Variants in KCNQ2 observed in about 807,000 individuals in gnomAD.
KCNQ2 encodes the protein potassium voltage-gated channel subfamily KQT member 2.
A neutral mutation model predicts 84.8 loss-of-function variants in KCNQ2; 14 were observed. That is an observed-to-expected ratio of 0.17 (90% CI 0.11 to 0.26). The LOEUF (loss-of-function observed/expected upper bound fraction) is 0.26, where lower values mean the gene tolerates loss of function less well. Ranked by LOEUF, KCNQ2 falls within the 10% of genes least tolerant of loss-of-function variation. The probability of loss-of-function intolerance (pLI) is 1.00; values close to 1 mark genes in which losing one functional copy is unlikely to be tolerated. For synonymous variants in KCNQ2, 599 were observed against 554.1 expected (o/e 1.08, Z -1.14); for missense variants, 788 against 1,254.0 (o/e 0.63, Z 5.61).
At chr20:63,424,468 G>C (rs998284674) in intron 10 of KCNQ2, 2 of 563,116 alleles carry the variant, frequency 3.6e-6, no homozygotes, top group Non-Finnish European at 6.3e-6. Context: ...TCTGACCTGG[G>C]GGTCTCTACC....
intron 4 of KCNQ2, among the ~76,000 whole-genome samples, chr20:63,442,933 CACCACCACCATCACCAT>C (rs2081252931): frequency 1.2e-5 from 1 of 82,894 alleles, no homozygotes; most frequent in Non-Finnish European, 2.7e-5. Context: ...CCATCACCAT[CACCACCACCATCACCAT>C]CATCACCATC....
intron 8 of KCNQ2, among the ~76,000 whole-genome samples, chr20:63,432,140 C>T (rs1481227629): frequency 6.7e-6 from 1 of 149,188 alleles, no homozygotes; most frequent in Non-Finnish European, 1.5e-5. Context: ...AAGGATCCAC[C>T]CACAGGGAAG....
At position 63,446,239 on chromosome 20, in the gene KCNQ2, C is replaced by A. The variant is rs1346142324; in HGVS notation, c.387+508G>T. On this transcript the variant is annotated intron_variant, in intron 2 of 16. Transcript: ENST00000359125. The surrounding 1 kb of genome is among the most constrained non-coding windows in gnomAD (Gnocchi z 5.5). ...CCCCAGAACAGAGGAGCAGGGCGGGCAGTAGAGGGAGGTGCATTTGGATGG... is the reference window on the plus strand; with the variant it reads ...CCCCAGAACAGAGGAGCAGGGCGGGAAGTAGAGGGAGGTGCATTTGGATGG... 2 of 252,642 alleles carry A rather than the reference C, an allele frequency of 7.9e-6. No individual in the cohort carries two copies. Among genetic ancestry groups the A allele is most frequent in the South Asian group, 9.0e-5 (2 of 22,282 alleles). 15.7% of individuals were successfully genotyped at this position (252,642 alleles called of 1,614,324 possible).
intron 1 of KCNQ2, among the ~76,000 whole-genome samples, chr20:63,464,055 A>G (rs998384598): frequency 3.3e-5 from 5 of 152,168 alleles, no homozygotes; most frequent in Non-Finnish European, 5.9e-5. Context: ...GCAACCCAAA[A>G]AAATGAAAGA....
chr20:63,410,959 T>C (rs1490217146), intron 15 of KCNQ2: 1 of 453,424 alleles, frequency 2.2e-6, no homozygotes, highest in African/African-American at 2.0e-5. Context: ...CACCGTCATC[T>C]GAATAGTCCC....
At chr20:63,464,769 A>T (rs1293718550) in intron 1 of KCNQ2, among the ~76,000 whole-genome samples, 1 of 152,198 alleles carries the variant, frequency 6.6e-6, no homozygotes, top group South Asian at 2.1e-4. Flanking sequence ...CAAGTGGCAC[A>T]TTGATCCGCA....
In KCNQ2 at chr20:63,452,388, G is replaced by A. The variant is rs1053509870; in HGVS notation, c.297-5551C>T. Among the ~76,000 whole-genome samples the A allele has an allele frequency of 5.9e-5, 9 of 152,266 alleles. 1 individual carries two copies. The highest frequency in any genetic ancestry group is 9.6e-5 in the African/African-American group (4 of 41,544). ...TCTTGAGGAAAATCCTTTTTCTTCC[G>A]GAAACCTCAGTCTTTGCTCTCAAGG... On this transcript the variant is annotated intron_variant, in intron 1 of 16. Coordinates refer to ENST00000359125, the MANE Select transcript of KCNQ2 (RefSeq NM_172107.4).
In KCNQ2 at chr20:63,446,975, C is replaced by G. The variant is rs1022988352; in HGVS notation, c.297-138G>C. On this transcript the variant is annotated intron_variant, in intron 1 of 16. Transcript: ENST00000359125. The surrounding 1 kb of genome is among the most constrained non-coding windows in gnomAD (Gnocchi z 5.5). ...GGCCGCGTCTCCAGAACGCAGGACC[C>G]CACTCCCCACCCACCCCACCAGAGC... The G allele has an allele frequency of 1.3e-6, 1 of 758,370 alleles. No individual in the cohort carries two copies. The highest frequency in any genetic ancestry group is 1.7e-5 in the African/African-American group (1 of 58,164). 47.0% of individuals were successfully genotyped at this position (758,370 alleles called of 1,614,324 possible). A position where few individuals can be genotyped will look rare whatever the true frequency, so the allele number is the denominator to read the frequency against.
Position 63,472,515 on chromosome 20 carries a change from G to C in KCNQ2, c.-52C>G. On this transcript the variant is annotated 5_prime_UTR_variant, in exon 1 of 17. Transcript: ENST00000359125. The stretch of plus-strand genomic sequence containing the variant: ...CGGGCTCAGGCTCAGCGGGGGCGGA[G>C]CGCGGGGGGCGGCGCGGGCCCCAGC... 1 of 1,350,720 alleles carries C rather than the reference G, an allele frequency of 7.4e-7. No homozygotes were observed. Among genetic ancestry groups the C allele is most frequent in the Non-Finnish European group, 9.5e-7 (1 of 1,054,978 alleles). 83.7% of individuals were successfully genotyped at this position (1,350,720 alleles called of 1,614,324 possible). A position where few individuals can be genotyped will look rare whatever the true frequency, so the allele number is the denominator to read the frequency against.
intron 12 of KCNQ2, 136 bp downstream of exon 12, chr20:63,419,483 G>T: frequency 1.2e-6 from 1 of 824,422 alleles, no homozygotes; most frequent in Non-Finnish European, 2.0e-6. Flanking sequence ...AGCTGAGCCC[G>T]CACCGCCAGG....
intron 8 of KCNQ2, among the ~76,000 whole-genome samples, chr20:63,432,198 TGGGAAGGATCCACCCACA>T (rs1264712379): frequency 3.5e-4 from 15 of 42,276 alleles, no homozygotes; most frequent in South Asian, 1.5e-3. Context: ...CTCCACCCTC[TGGGAAGGATCCACCCACA>T]GGGAAGGCTC....
At position 63,414,032 on chromosome 20, in the gene KCNQ2, C is replaced by G. The variant is rs1339522386; in HGVS notation, c.1631+56G>C. 9.8e-6 allele frequency: 13 copies of G among 1,328,124 alleles called. No individual in the cohort carries two copies. In the East Asian group the frequency reaches 3.0e-4, roughly 31 times the overall value. The allele number at this position is 1,328,124 out of a possible 1,614,324, so 82.3% of individuals were successfully genotyped here. A position where few individuals can be genotyped will look rare whatever the true frequency, so the allele number is the denominator to read the frequency against. ...TGAGCACCGGCAGCAGGCAGGACCA[C>G]CGAGCGGGAGGCCCCTCCTCACTCC... On this transcript the variant is annotated intron_variant, in intron 14 of 16. Coordinates refer to ENST00000359125, the MANE Select transcript of KCNQ2 (RefSeq NM_172107.4). The surrounding 1 kb of genome is among the most constrained non-coding windows in gnomAD (Gnocchi z 6.6).
rs1568914589 is a variant in KCNQ2 at position 63,432,801 on chromosome 20, CCCACCCTCAGGGAAGGCT to C, written c.1118+990_1118+1007del. On this transcript the variant is annotated intron_variant, in intron 8 of 16. Coordinates refer to ENST00000359125, the MANE Select transcript of KCNQ2 (RefSeq NM_172107.4). ...GGAAGGCCCCACCCTCAGGGAAGGC[CCCACCCTCAGGGAAGGCT>C]CCACCCTCTGGGAAGGCCCCACCCC... Among the ~76,000 whole-genome samples the C allele has an allele frequency of 8.2e-5, 7 of 85,576 alleles. 1 individual carries two copies. The highest frequency in any genetic ancestry group is 5.1e-4 in the Admixed American group (4 of 7,902). The allele number at this position is 85,576 out of a possible 152,430, so 56.1% of individuals were successfully genotyped here.
rs865789435 is a variant in KCNQ2, at chr20:63,400,713, C to T, written c.*5931G>A. Reference sequence around the variant, plus strand: ...GCAATGGCGTGGGGCGCGGGCATGGCGGGCACACGTGGGCCGTGTGGATCC... The same window carrying T: ...GCAATGGCGTGGGGCGCGGGCATGGTGGGCACACGTGGGCCGTGTGGATCC... On this transcript the variant is annotated 3_prime_UTR_variant, in exon 17 of 17. Coordinates refer to ENST00000359125, the MANE Select transcript of KCNQ2 (RefSeq NM_172107.4). The surrounding 1 kb of genome is among the most constrained non-coding windows in gnomAD (Gnocchi z 8.7). The T allele has an allele frequency of 1.0e-5, 4 of 398,416 alleles. No individual in the cohort carries two copies. Among genetic ancestry groups the T allele is most frequent in the African/African-American group, 2.1e-5 (1 of 48,630 alleles). 24.7% of individuals were successfully genotyped at this position (398,416 alleles called of 1,614,324 possible).
In KCNQ2 at chr20:63,407,152, G is replaced by A. The variant is rs1215394494; in HGVS notation, c.2111C>T (p.Pro704Leu). The A allele has an allele frequency of 1.3e-6, 2 of 1,585,658 alleles. No individual in the cohort carries two copies. The highest frequency in any genetic ancestry group is 1.8e-5 in the Admixed American group (1 of 57,074). ...ACACTGGACAGGGGGCGCGGCCGGG[G>A]GCGCCGAGAAGTTCTTCTGGCCCGT... ...SSTGQKNFSA[P>L]PAAPPVQCPP... The change falls in exon 17 of 17, where the codon CCC (proline) becomes CTC (leucine). Residue 704 changes from proline (P) to leucine (L), a missense_variant. Pro to Leu is a moderately conservative substitution (Grantham distance 98, BLOSUM62 -3). This residue lies in a region of KCNQ2 where 378 missense variants were observed against 434.5 expected (regional missense o/e 0.87). Coordinates refer to ENST00000359125, the MANE Select transcript of KCNQ2 (RefSeq NM_172107.4). This position sits in a 1 kb window ranked among gnomAD's most constrained non-coding sequence, Gnocchi z 7.2.
chr20:63,417,336 C>T (rs563020576), intron 12 of KCNQ2, among the ~76,000 whole-genome samples: 1 of 152,356 alleles, frequency 6.6e-6, no homozygotes, highest in Non-Finnish European at 1.5e-5. Context: ...ATAGGCCCCT[C>T]CTGACCCCGC....
chr20:63,443,977 G>A (rs940983586), intron 4 of KCNQ2, among the ~76,000 whole-genome samples: 3 of 152,224 alleles, frequency 2.0e-5, no homozygotes, highest in African/African-American at 4.8e-5. Context: ...TGTGAAAAGG[G>A]TGCCCACTGC....
At position 63,408,830 on chromosome 20, in the gene KCNQ2, G is replaced by A. The variant is rs142360631; in HGVS notation, c.1764-294C>T. ...GGGCCGAGTCGCCCGGCTCCTCTCC[G>A]TGGGCTCCCGGCTCCATACCGCCCC... On this transcript the variant is annotated intron_variant, in intron 15 of 16. Transcript: ENST00000359125. The surrounding 1 kb of genome is among the most constrained non-coding windows in gnomAD (Gnocchi z 5.0). Among the ~76,000 whole-genome samples the A allele has an allele frequency of 8.0e-3, 1,213 of 152,236 alleles. 65 individuals carry two copies. In the South Asian group the frequency reaches 0.15, roughly 19 times the overall value.
At chr20:63,442,965 CCACCACCACCATCACCACCATTACCAT>C (rs1600772636) in intron 4 of KCNQ2, among the ~76,000 whole-genome samples, 2 of 44,082 alleles carry the variant, frequency 4.5e-5, no homozygotes, top group African/African-American at 1.9e-4. Context: ...ACCATCACCA[CCACCACCACCATCACCACCATTACCAT>C]CACCATCACC....
Sources: allele counts gnomAD v4.1 joint callset (sites outside exome capture counted in the v4.1 genomes callset), GRCh38; gene constraint gnomAD v4.1.1; regional missense constraint gnomAD v4.1.1; non-coding constraint Gnocchi (gnomAD v3.1); transcripts MANE v1.5; gene names NCBI Gene and HGNC (gene_info 2026-07-23, HGNC 2026-07-21).